The following SIPA1L1 variants were observed in gnomAD, a reference collection of about 807,000 sequenced individuals.
SIPA1L1 encodes signal induced proliferation associated 1 like 1, also known as signal-induced proliferation-associated 1-like protein 1.
A neutral mutation model predicts 162.7 loss-of-function variants in SIPA1L1; 26 were observed. The observed-to-expected ratio is 0.16, with a 90% CI of 0.12 to 0.22. The LOEUF (loss-of-function observed/expected upper bound fraction) is 0.22, where lower values mean the gene tolerates loss of function less well. Among genes scored for constraint, SIPA1L1 ranks in the 10% least tolerant of loss-of-function variants. The pLI is 1.00. For synonymous variants in SIPA1L1, 829 were observed against 837.4 expected (o/e 0.99, Z 0.17); for missense variants, 1,874 against 2,241.0 (o/e 0.84, Z 3.31).
intron 5 of SIPA1L1, among the ~76,000 whole-genome samples, chr14:71,592,941 G>C (rs1406384577): frequency 6.6e-6 from 1 of 152,268 alleles, no homozygotes. Context: ...TTGCTAGTGA[G>C]TGTATGTTTA....
At chr14:71,598,043 A>T (rs1176193115) in intron 5 of SIPA1L1, among the ~76,000 whole-genome samples, 1 of 152,214 alleles carries the variant, frequency 6.6e-6, no homozygotes, top group South Asian at 2.1e-4. Context: ...AGGAAGAAAA[A>T]GGTAGAGGAA....
At chr14:71,553,016 A>G (rs1020977730) in intron 4 of SIPA1L1, among the ~76,000 whole-genome samples, 3 of 152,080 alleles carry the variant, frequency 2.0e-5, no homozygotes. Flanking sequence ...GCGCCTCCTC[A>G]GTTCAGATTG....
At chr14:71,735,245 A>G in intron 21 of SIPA1L1, 32 bp from the exon 22 acceptor site, 1 of 1,504,786 alleles carries the variant, frequency 6.6e-7, no homozygotes, top group Non-Finnish European at 9.3e-7. Context: ...TGTGGTTCCA[A>G]AATACTAAAT....
intron 4 of SIPA1L1, among the ~76,000 whole-genome samples, chr14:71,584,188 G>GA (rs973860581): frequency 3.3e-4 from 50 of 152,272 alleles, no homozygotes; most frequent in Middle Eastern, 3.4e-3. Flanking sequence ...AGAAAATGAA[G>GA]AAGCACATGG....
chr14:71,402,442 G>A lies in SIPA1L1; in HGVS notation c.-465+81261G>A, dbSNP rs552142691. Among the ~76,000 whole-genome samples, 12 of 151,324 alleles carry A rather than the reference G, an allele frequency of 7.9e-5. No homozygotes were observed. The South Asian group carries it at 2.3e-3, about 29-fold the overall frequency. On this transcript the variant is annotated intron_variant, in intron 2 of 23. Transcript: ENST00000381232. The stretch of plus-strand genomic sequence containing the variant: ...CAGCTCTCTGTAACCTCCGCCTCCC[G>A]GGTTCAAGTGATTCTCTTGCCTCAG...
At chr14:71,507,081 A>G (rs1020439626) in intron 2 of SIPA1L1, among the ~76,000 whole-genome samples, 2 of 152,198 alleles carry the variant, frequency 1.3e-5, no homozygotes, top group African/African-American at 4.8e-5. Context: ...TCACAGTCTG[A>G]TGGCTTTTGC....
intron 2 of SIPA1L1, among the ~76,000 whole-genome samples, chr14:71,422,699 A>AT (rs2043277812): frequency 6.6e-6 from 1 of 152,244 alleles, no homozygotes; most frequent in Non-Finnish European, 1.5e-5. Context: ...TTGTATGTGT[A>AT]TACCACATTT....
chr14:71,642,711 C>T (rs2041833967), intron 7 of SIPA1L1, among the ~76,000 whole-genome samples: 1 of 151,966 alleles, frequency 6.6e-6, no homozygotes, highest in African/African-American at 2.4e-5. Context: ...AGCATATGAC[C>T]TATAGTTGGG....
chr14:71,382,875 C>A (rs931106362), intron 2 of SIPA1L1, among the ~76,000 whole-genome samples: 1 of 151,984 alleles, frequency 6.6e-6, no homozygotes, highest in Non-Finnish European at 1.5e-5. Context: ...TCAGAAGTGA[C>A]CATAATCATA....
At chr14:71,467,937 T>C (rs905910965) in intron 2 of SIPA1L1, among the ~76,000 whole-genome samples, 13 of 151,170 alleles carry the variant, frequency 8.6e-5, no homozygotes, top group Admixed American at 3.3e-4. Flanking sequence ...TATAAAATGC[T>C]TAAAACAATG....
At chr14:71,463,201 G>T (rs1418489057) in intron 2 of SIPA1L1, among the ~76,000 whole-genome samples, 1 of 152,148 alleles carries the variant, frequency 6.6e-6, no homozygotes, top group Non-Finnish European at 1.5e-5. Context: ...TTTCTAGGTA[G>T]AGGCAGCTCT....
intron 2 of SIPA1L1, among the ~76,000 whole-genome samples, chr14:71,352,079 G>A (rs1228510085): frequency 1.3e-5 from 2 of 151,834 alleles, no homozygotes; most frequent in African/African-American, 4.8e-5. Flanking sequence ...AGAGTGGCCA[G>A]AGAAGGCCTC....
chr14:71,711,751 A>G (rs1012472402), intron 17 of SIPA1L1, among the ~76,000 whole-genome samples: 2 of 152,242 alleles, frequency 1.3e-5, no homozygotes, highest in Non-Finnish European at 2.9e-5. Flanking sequence ...AAGGCCTCAA[A>G]GGATTATCTA....
intron 5 of SIPA1L1, among the ~76,000 whole-genome samples, chr14:71,603,658 C>A (rs2037069346): frequency 6.6e-6 from 1 of 152,130 alleles, no homozygotes; most frequent in South Asian, 2.1e-4. Flanking sequence ...CATAGTGGCC[C>A]ACGCCTGTAA....
Position 71,615,687 on chromosome 14 carries a change from A to G in SIPA1L1, c.1499-3070A>G, listed in dbSNP as rs1351626825. 2.6e-5 allele frequency among the ~76,000 whole-genome samples: 4 copies of G among 152,262 alleles called. No individual in the cohort carries two copies. The East Asian group carries it at 7.7e-4, about 29-fold the overall frequency. On this transcript the variant is annotated intron_variant, in intron 5 of 23. Transcript: ENST00000381232. ...CACTTTTGCAGATGTGCGTGGGACA[A>G]ACGGTTCCATTAGGTAAATATAAAG...
intron 3 of SIPA1L1, chr14:71,528,649 T>C (rs560946988): frequency 1.3e-5 from 2 of 152,126 alleles, no homozygotes; most frequent in African/African-American, 4.8e-5. Flanking sequence ...TGATACTCCA[T>C]CTCAAAAAGA....
intron 5 of SIPA1L1, among the ~76,000 whole-genome samples, chr14:71,612,712 C>A (rs753489390): frequency 5.9e-5 from 9 of 152,080 alleles, no homozygotes; most frequent in Non-Finnish European, 1.3e-4. Flanking sequence ...AGTAAAACAC[C>A]AAGCTTAACT....
intron 3 of SIPA1L1, among the ~76,000 whole-genome samples, chr14:71,514,114 A>G (rs1034032200): frequency 6.6e-6 from 1 of 152,218 alleles, no homozygotes; most frequent in Non-Finnish European, 1.5e-5. Context: ...TAGAGCAGGA[A>G]CAAAAGGAGA....
intron 2 of SIPA1L1, among the ~76,000 whole-genome samples, chr14:71,412,882 G>T (rs920567553): frequency 1.1e-4 from 16 of 152,214 alleles, no homozygotes; most frequent in African/African-American, 3.9e-4. Context: ...TTGGGCATGT[G>T]TGTGGGTATT....
Sources: gnomAD v4.1 joint callset for allele counts (sites outside exome capture counted in the v4.1 genomes callset) on GRCh38, gnomAD v4.1.1 for gene constraint, MANE v1.5 for transcripts, NCBI Gene and HGNC (gene_info 2026-07-23, HGNC 2026-07-21) for gene names.